ARSG: variants seen among roughly 807,000 people sequenced by gnomAD.
The protein encoded by ARSG is ASG.
A neutral mutation model predicts 50.5 loss-of-function variants in ARSG; 37 were observed. The observed-to-expected ratio is 0.73, with a 90% CI of 0.56 to 0.96. The LOEUF is 0.96. ARSG is among the 50% of genes least tolerant of loss of function. ARSG has a pLI of 0.00. For missense variants in ARSG, 629 were observed against 675.3 expected (o/e 0.93, Z 0.76); for synonymous variants, 225 against 254.6 (o/e 0.88, Z 1.11).
chr17:68,393,613 T>C (rs981003252), intron 9 of ARSG, among the ~76,000 whole-genome samples: 15 of 152,168 alleles, frequency 9.9e-5, no homozygotes, highest in Non-Finnish European at 5.9e-5. Flanking sequence ...CTGCCTGTAA[T>C]CTCAGCACTT....
chr17:68,405,945 G>A (rs1002915412), intron 11 of ARSG, among the ~76,000 whole-genome samples: 1 of 152,040 alleles, frequency 6.6e-6, no homozygotes, highest in South Asian at 2.1e-4. Context: ...GGTTACATGA[G>A]TAAGTTCTTT....
chr17:68,290,581 G>C (rs1272986309), upstream of ARSG, among the ~76,000 whole-genome samples: 1 of 152,246 alleles, frequency 6.6e-6, no homozygotes, highest in Non-Finnish European at 1.5e-5. Flanking sequence ...GGAGTGCTGT[G>C]TTTGGGGGTC....
intron 2 of ARSG, among the ~76,000 whole-genome samples, chr17:68,331,919 C>T (rs2077790648): frequency 6.6e-6 from 1 of 152,054 alleles, no homozygotes. Flanking sequence ...TAGAATATTA[C>T]AAGGCAAATG....
chr17:68,297,953 A>G (rs1185071926), intron 1 of ARSG, among the ~76,000 whole-genome samples: 2 of 149,442 alleles, frequency 1.3e-5, no homozygotes, highest in African/African-American at 4.9e-5. Context: ...TGGGGTTGAG[A>G]AAGTTTACTG....
intron 2 of ARSG, among the ~76,000 whole-genome samples, chr17:68,310,056 C>T (rs573866568): frequency 3.0e-4 from 46 of 151,162 alleles, no homozygotes; most frequent in Non-Finnish European, 6.3e-4. Context: ...TCACTGCAAC[C>T]TCCATCTCCC....
At position 68,296,525 on chromosome 17, in the gene ARSG, G is replaced by A. The variant is rs539309079; in HGVS notation, c.-552+4957G>A. ...TACAAGGATGCTGCAGGATTGTGTT[G>A]TGGGCAAATGGTGAGGAGGGGCCCC... On this transcript the variant is annotated intron_variant, in intron 1 of 11. Transcript: ENST00000621439. Among the ~76,000 whole-genome samples, 31 of 151,046 alleles carry A rather than the reference G, an allele frequency of 2.1e-4. No homozygotes were observed. The South Asian group carries it at 6.0e-3, about 29-fold the overall frequency.
chr17:68,313,982 A>G (rs926194027), intron 2 of ARSG, among the ~76,000 whole-genome samples: 6 of 151,988 alleles, frequency 3.9e-5, no homozygotes, highest in Non-Finnish European at 7.4e-5. Flanking sequence ...CCTGGCCTAC[A>G]TATCTCTTTT....
chr17:68,400,049 C>T (rs144203512), intron 10 of ARSG: 1 of 152,368 alleles, frequency 6.6e-6, no homozygotes, highest in Non-Finnish European at 1.5e-5. Context: ...AGGAGCCCCA[C>T]CTTGGCGGCA....
chr17:68,393,148 G>A (rs549389702), intron 9 of ARSG, among the ~76,000 whole-genome samples: 3 of 152,312 alleles, frequency 2.0e-5, no homozygotes, highest in African/African-American at 7.2e-5. Flanking sequence ...CTGTGAGCTG[G>A]CACCAATACA....
At chr17:68,340,750 A>G (rs8075800) in intron 2 of ARSG, among the ~76,000 whole-genome samples, 32,397 of 152,120 alleles carry the variant, frequency 0.21, 4,901 homozygotes, top group African/African-American at 0.43. Flanking sequence ...AAGGAGAGCC[A>G]ATTCCTTTTA....
At chr17:68,392,194 T>C (rs961430467) in intron 9 of ARSG, among the ~76,000 whole-genome samples, 1 of 152,220 alleles carries the variant, frequency 6.6e-6, no homozygotes, top group African/African-American at 2.4e-5. Context: ...TCAGCCCTCC[T>C]GGCTCCAGTA....
In ARSG at chr17:68,378,824, C is replaced by T. The variant is rs1441468321; in HGVS notation, c.983-6240C>T. 6.6e-6 allele frequency among the ~76,000 whole-genome samples: 1 copy of T among 151,786 alleles called. No homozygotes were observed. Among genetic ancestry groups the T allele is most frequent in the East Asian group, 1.9e-4 (1 of 5,174 alleles). On this transcript the variant is annotated intron_variant, in intron 8 of 11. Transcript: ENST00000621439. This position sits in a 1 kb window ranked among gnomAD's most constrained non-coding sequence, Gnocchi z 4.4. ...TTCTGTTGAATTTGGCATCCAGGCT[C>T]CTAGGAGACCTTGGTTGTTTGTAAT...
upstream of ARSG, among the ~76,000 whole-genome samples, chr17:68,287,528 TA>T (rs1351618977): frequency 2.6e-5 from 4 of 152,272 alleles, no homozygotes; most frequent in African/African-American, 9.6e-5. Context: ...TTAGTTTTTT[TA>T]AAAAACTCTG....
intron 1 of ARSG, among the ~76,000 whole-genome samples, chr17:68,306,156 C>A (rs536881682): frequency 3.0e-4 from 46 of 152,134 alleles, no homozygotes; most frequent in African/African-American, 1.1e-3. Flanking sequence ...GCATACGCCA[C>A]CATGCCCGGC....
intron 2 of ARSG, among the ~76,000 whole-genome samples, chr17:68,308,904 C>T (rs2076723431): frequency 6.6e-6 from 1 of 152,278 alleles, no homozygotes; most frequent in Admixed American, 6.5e-5. Context: ...GTCCCGCGCC[C>T]TGCGCCTGCA....
downstream of ARSG, chr17:68,422,039 G>GTC (rs777073699): frequency 5.3e-5 from 31 of 587,782 alleles, no homozygotes; most frequent in African/African-American, 5.0e-4. Flanking sequence ...CTATAAAAAT[G>GTC]TCTCTGTGTG....
intron 8 of ARSG, among the ~76,000 whole-genome samples, chr17:68,377,710 A>G (rs1599956436): frequency 1.3e-5 from 2 of 152,352 alleles, no homozygotes; most frequent in South Asian, 2.1e-4. Context: ...CACCCTGAAA[A>G]AGATTCCCCC....
At chr17:68,336,875 CAA>C (rs1194065762) in intron 2 of ARSG, among the ~76,000 whole-genome samples, 1 of 151,938 alleles carries the variant, frequency 6.6e-6, no homozygotes, top group Non-Finnish European at 1.5e-5. Flanking sequence ...AATAAATAAA[CAA>C]ATAAATAAGA....
intron 2 of ARSG, among the ~76,000 whole-genome samples, chr17:68,311,615 A>C (rs1245152522): frequency 6.6e-6 from 1 of 152,038 alleles, no homozygotes; most frequent in Non-Finnish European, 1.5e-5. Flanking sequence ...ACACACAGAG[A>C]GAGATGGTGA....
Sources: gnomAD v4.1 joint callset for allele counts (sites outside exome capture counted in the v4.1 genomes callset) on GRCh38, gnomAD v4.1.1 for gene constraint, Gnocchi (gnomAD v3.1) non-coding constraint, MANE v1.5 for transcripts, NCBI Gene and HGNC (gene_info 2026-07-23, HGNC 2026-07-21) for gene names.